The following CALCR variants were observed in gnomAD, a reference collection of about 807,000 sequenced individuals.
The protein encoded by CALCR is calcitonin receptor.
A neutral mutation model predicts 59.5 loss-of-function variants in CALCR; 47 were observed. That is an observed-to-expected ratio of 0.79 (90% CI 0.63 to 1.01). The LOEUF (loss-of-function observed/expected upper bound fraction) is 1.01. Among genes scored for constraint, CALCR ranks in the 50% least tolerant of loss-of-function variants. The probability of loss-of-function intolerance (pLI) is 0.00; values close to 1 mark genes in which losing one functional copy is unlikely to be tolerated. For missense variants in CALCR, 566 were observed against 597.1 expected, an observed-to-expected ratio of 0.95 and a Z score of 0.54; for synonymous variants, 213 against 211.3, an observed-to-expected ratio of 1.01 and a Z score of -0.07.
intron 2 of CALCR, among the ~76,000 whole-genome samples, chr7:93,518,466 G>A (rs1801691301): frequency 6.6e-6 from 1 of 151,826 alleles, no homozygotes; most frequent in South Asian, 2.1e-4. Context: ...AATGTCATGA[G>A]TTTTCCCACC....
intron 2 of CALCR, among the ~76,000 whole-genome samples, chr7:93,513,941 G>C (rs1801601642): frequency 6.6e-6 from 1 of 151,682 alleles, no homozygotes; most frequent in African/African-American, 2.4e-5. Context: ...ATTTTATTGT[G>C]ACCTGGGCCT....
chr7:93,516,475 A>T (rs1801653432), intron 2 of CALCR, among the ~76,000 whole-genome samples: 1 of 151,924 alleles, frequency 6.6e-6, no homozygotes, highest in Admixed American at 6.6e-5. Context: ...CTAATGCCTC[A>T]TAACAGGGAG....
At chr7:93,447,170 T>A (rs1461878887) in intron 8 of CALCR, among the ~76,000 whole-genome samples, 1 of 152,002 alleles carries the variant, frequency 6.6e-6, no homozygotes, top group East Asian at 1.9e-4. Flanking sequence ...TTAATCTATC[T>A]TTTCCACAAA....
intron 2 of CALCR, among the ~76,000 whole-genome samples, chr7:93,558,097 C>G (rs1563020260): frequency 1.3e-5 from 2 of 150,384 alleles, no homozygotes; most frequent in African/African-American, 2.4e-5. Flanking sequence ...GTTGAATAAA[C>G]AAACTTAAAT....
At chr7:93,465,418 T>C (rs1197396122) in intron 7 of CALCR, among the ~76,000 whole-genome samples, 2 of 151,946 alleles carry the variant, frequency 1.3e-5, no homozygotes, top group East Asian at 3.9e-4. Flanking sequence ...CTGAACTAAT[T>C]TGATGTTTAT....
In CALCR at chr7:93,459,365, T is replaced by A. The variant is rs555775939; in HGVS notation, c.648+1456A>T. 4.6e-5 allele frequency among the ~76,000 whole-genome samples: 7 copies of A among 152,334 alleles called. No homozygotes were observed. In the East Asian group the frequency reaches 5.8e-4, roughly 13 times the overall value. ...ATCAGTTATATGATTTGAGGCAAAT[T>A]GCTTTGCCTTTTTATCCTCAAGTTT... On this transcript the variant is annotated intron_variant, in intron 8 of 13. Coordinates refer to ENST00000426151, the MANE Select transcript of CALCR (RefSeq NM_001742.4).
At chr7:93,544,706 G>A (rs2116200887) in intron 2 of CALCR, among the ~76,000 whole-genome samples, 1 of 152,214 alleles carries the variant, frequency 6.6e-6, no homozygotes, top group African/African-American at 2.4e-5. Flanking sequence ...TTAATTGGAA[G>A]TTGGAATGGG....
rs189747087 is a variant in CALCR at position 93,523,811 on chromosome 7, T to C, written c.-26-36804A>G. ...AGAAGTTTCTAATATTTTTATATTA[T>C]TCATTTGATATCTAATTCCAATATC... On this transcript the variant is annotated intron_variant, in intron 2 of 13. Transcript: ENST00000426151. Among the ~76,000 whole-genome samples the C allele has an allele frequency of 3.0e-3, 455 of 152,240 alleles. 1 individual carries two copies. The highest frequency in any genetic ancestry group is 0.011 in the African/African-American group (438 of 41,560).
intron 2 of CALCR, among the ~76,000 whole-genome samples, chr7:93,524,938 AG>A (rs1484083839): frequency 6.6e-6 from 1 of 152,176 alleles, no homozygotes; most frequent in African/African-American, 2.4e-5. Context: ...TTAAAAATAA[AG>A]GGCTCATATA....
intron 2 of CALCR, among the ~76,000 whole-genome samples, chr7:93,561,067 A>C (rs1789735751): frequency 6.6e-6 from 1 of 152,188 alleles, no homozygotes; most frequent in Non-Finnish European, 1.5e-5. Context: ...CCTAAAAGGA[A>C]ACTGAGGCTA....
chr7:93,458,731 G>T (rs1800258348), intron 8 of CALCR, among the ~76,000 whole-genome samples: 1 of 151,956 alleles, frequency 6.6e-6, no homozygotes. Flanking sequence ...CTGTCTTCGG[G>T]TTCATATACC....
chr7:93,522,516 C>G (rs1040149156), intron 2 of CALCR, among the ~76,000 whole-genome samples: 3 of 152,146 alleles, frequency 2.0e-5, no homozygotes, highest in Admixed American at 6.5e-5. Flanking sequence ...ATGTCCTTTT[C>G]ATGCAAATTT....
Position 93,440,861 on chromosome 7 carries a change from G to A in CALCR, c.803-2591C>T, listed in dbSNP as rs182885288. Among the ~76,000 whole-genome samples the A allele has an allele frequency of 3.8e-3, 584 of 152,068 alleles. 4 individuals carry two copies. The highest frequency in any genetic ancestry group is 6.8e-3 in the Middle Eastern group (2 of 294). ...TATAACCATTGATTAGCAACTCCCC[G>A]TTCTGTGCTTACGTTACTAAGTGTA... On this transcript the variant is annotated intron_variant, in intron 9 of 13. Transcript: ENST00000426151.
intron 9 of CALCR, chr7:93,441,568 A>G (rs973052661): frequency 2.2e-6 from 1 of 447,332 alleles, no homozygotes; most frequent in South Asian, 1.6e-5. Flanking sequence ...GAAAAAAAAA[A>G]ATAGTAAAAG....
chr7:93,490,803 A>T (rs1460904974), intron 2 of CALCR, among the ~76,000 whole-genome samples: 1 of 152,056 alleles, frequency 6.6e-6, no homozygotes, highest in Non-Finnish European at 1.5e-5. Flanking sequence ...GATAGGAAGA[A>T]TCGATATCGT....
chr7:93,554,401 G>A (rs1329567399), intron 2 of CALCR, among the ~76,000 whole-genome samples: 6 of 151,970 alleles, frequency 3.9e-5, no homozygotes, highest in Admixed American at 1.3e-4. Flanking sequence ...CCTTACATAT[G>A]CAAATTTTCC....
At chr7:93,519,379 T>G (rs1801711739) in intron 2 of CALCR, among the ~76,000 whole-genome samples, 1 of 152,054 alleles carries the variant, frequency 6.6e-6, no homozygotes, top group Admixed American at 6.6e-5. Flanking sequence ...ACATACTGGC[T>G]CTCTCATTTA....
At chr7:93,469,805 G>A (rs1210328530) in intron 6 of CALCR, among the ~76,000 whole-genome samples, 1 of 151,648 alleles carries the variant, frequency 6.6e-6, no homozygotes, top group East Asian at 1.9e-4. Context: ...TTGGGTCTTG[G>A]TATGAATGCA....
At chr7:93,433,287 G>T (rs1380110603) in intron 13 of CALCR, among the ~76,000 whole-genome samples, 1 of 152,072 alleles carries the variant, frequency 6.6e-6, no homozygotes, top group East Asian at 1.9e-4. Flanking sequence ...TTGATGTCTT[G>T]GCAAAATGTG....
Sources: allele counts gnomAD v4.1 joint callset (sites outside exome capture counted in the v4.1 genomes callset), GRCh38; gene constraint gnomAD v4.1.1; transcripts MANE v1.5; gene names NCBI Gene and HGNC (gene_info 2026-07-23, HGNC 2026-07-21).